The following PNKD variants were observed in gnomAD, a reference collection of about 807,000 sequenced individuals.
The protein encoded by PNKD is probable thioesterase PNKD.
A neutral mutation model predicts 45.3 loss-of-function variants in PNKD; 36 were observed. That is an observed-to-expected ratio of 0.80 (90% confidence interval 0.61 to 1.05). The LOEUF (loss-of-function observed/expected upper bound fraction) is 1.05, where lower values mean the gene tolerates loss of function less well. Among genes scored for constraint, PNKD ranks in the 50% least tolerant of loss-of-function variants. The pLI is 0.00. For synonymous variants in PNKD, 197 were observed against 210.1 expected (o/e 0.94, Z 0.54); for missense variants, 511 against 506.6 (o/e 1.01, Z -0.08).
At chr2:218,277,955 T>C in intron 2 of PNKD, 3 of 1,614,194 alleles carry the variant, frequency 1.9e-6, no homozygotes, top group Non-Finnish European at 2.5e-6. Flanking sequence ...AGCAGAATGA[T>C]GTTCCATGGG....
chr2:218,275,425 C>A, intron 2 of PNKD: 1 of 1,583,620 alleles, frequency 6.3e-7, no homozygotes, highest in Non-Finnish European at 8.6e-7. Context: ...GCCCAGCCCT[C>A]TAGCTTGGAA....
intron 2 of PNKD, among the ~76,000 whole-genome samples, chr2:218,310,977 G>A (rs577545668): frequency 5.3e-5 from 8 of 152,242 alleles, no homozygotes; most frequent in South Asian, 2.1e-4. Context: ...GTAACATGCC[G>A]TGCAGGTTTG....
At chr2:218,320,375 C>T (rs1188636589) in intron 2 of PNKD, among the ~76,000 whole-genome samples, 4 of 152,186 alleles carry the variant, frequency 2.6e-5, no homozygotes, top group Non-Finnish European at 5.9e-5. Context: ...TTTCTTTGTG[C>T]TGGGAACATT....
chr2:218,318,422 T>C (rs1053586329), intron 2 of PNKD, among the ~76,000 whole-genome samples: 1 of 152,166 alleles, frequency 6.6e-6, no homozygotes, highest in Non-Finnish European at 1.5e-5. Flanking sequence ...CCTCTGATAT[T>C]ATGAAGCGCC....
rs200743728 is a variant in PNKD at position 218,338,460 on chromosome 2, CA to C, written c.237-1307del. Among the ~76,000 whole-genome samples the C allele has an allele frequency of 2.9e-3, 291 of 100,706 alleles. 1 individual carries two copies. Among genetic ancestry groups the C allele is most frequent in the Middle Eastern group, 0.011 (2 of 176 alleles). 66.1% of individuals were successfully genotyped at this position (100,706 alleles called of 152,430 possible). A position where few individuals can be genotyped will look rare whatever the true frequency, so the allele number is the denominator to read the frequency against. ...TGGGCAACAGAGCGAGACTCTGTCT[CA>C]AAAAAAAAAAAAAAAGAATTTCAGG... is the stretch of plus-strand genomic sequence containing the variant. On this transcript the variant is annotated intron_variant, in intron 2 of 9. Coordinates refer to ENST00000273077, the MANE Select transcript of PNKD (RefSeq NM_015488.5).
chr2:218,340,267 C>A lies in PNKD; in HGVS notation c.465+126C>A. ...ATGTGTCCCATATGCTCCATGTTCA[C>A]ACGTGCACATGCGCACACATAGCCT... is the stretch of plus-strand genomic sequence containing the variant. On this transcript the variant is annotated intron_variant, in intron 4 of 9. Coordinates refer to ENST00000273077, the MANE Select transcript of PNKD (RefSeq NM_015488.5). This position sits in a 1 kb window ranked among gnomAD's most constrained non-coding sequence, Gnocchi z 4.2. The A allele has an allele frequency of 1.4e-6, 1 of 694,834 alleles. No homozygotes were observed. The highest frequency in any genetic ancestry group is 2.6e-6 in the Non-Finnish European group (1 of 383,112). 43.0% of individuals were successfully genotyped at this position (694,834 alleles called of 1,614,324 possible).
chr2:218,341,139 C>T (rs537861394), intron 5 of PNKD, among the ~76,000 whole-genome samples: 18 of 152,280 alleles, frequency 1.2e-4, no homozygotes, highest in African/African-American at 3.6e-4. Flanking sequence ...TATATAACAG[C>T]GGAGGCAAGA....
rs1468930970 is a variant in PNKD at position 218,326,048 on chromosome 2, C to T, written c.237-13735C>T. Among the ~76,000 whole-genome samples the T allele has an allele frequency of 6.7e-6, 1 of 150,174 alleles. No individual in the cohort carries two copies. Among genetic ancestry groups the T allele is most frequent in the Non-Finnish European group, 1.5e-5 (1 of 67,732 alleles). ...GCAGGTGTTGGTGCTAGGGGTGCCT[C>T]CAGGAAGGATGGGGAGGGAGGGGGA... On this transcript the variant is annotated intron_variant, in intron 2 of 9. Coordinates refer to ENST00000273077, the MANE Select transcript of PNKD (RefSeq NM_015488.5). This position sits in a 1 kb window ranked among gnomAD's most constrained non-coding sequence, Gnocchi z 4.1.
chr2:218,330,395 C>T (rs1415517091), intron 2 of PNKD, among the ~76,000 whole-genome samples: 1 of 152,202 alleles, frequency 6.6e-6, no homozygotes, highest in Non-Finnish European at 1.5e-5. Context: ...GGCAGTGGCT[C>T]ACTGTCCCCA....
rs573728693 is a variant in PNKD, at chr2:218,340,649, G to A, written c.466-79G>A. The A allele has an allele frequency of 1.0e-5, 10 of 992,882 alleles. No individual in the cohort carries two copies. Among genetic ancestry groups the A allele is most frequent in the Middle Eastern group, 2.0e-4 (1 of 4,922 alleles). The allele number at this position is 992,882 out of a possible 1,614,324, so 61.5% of individuals were successfully genotyped here. On this transcript the variant is annotated intron_variant, in intron 4 of 9. Transcript: ENST00000273077. The surrounding 1 kb of genome is among the most constrained non-coding windows in gnomAD (Gnocchi z 4.2). ...ATGCTCTCCTCTCCTCTCCACCAGC[G>A]CCCACACTCCTGGCTCTTGCTGCTT...
intron 2 of PNKD, among the ~76,000 whole-genome samples, chr2:218,302,922 T>A (rs1472416711): frequency 6.6e-6 from 1 of 151,562 alleles, no homozygotes; most frequent in Non-Finnish European, 1.5e-5. Flanking sequence ...GGCCTGGAGG[T>A]TTTTTTTCTG....
intron 2 of PNKD, chr2:218,292,604 A>C (rs1236796280): frequency 6.6e-6 from 1 of 151,662 alleles, no homozygotes; most frequent in African/African-American, 2.4e-5. Flanking sequence ...GGGCGCCGCC[A>C]GGGGGCGCAG....
At chr2:218,344,646 C>A in intron 9 of PNKD, 76 bp downstream of exon 9, 1 of 1,431,166 alleles carries the variant, frequency 7.0e-7, no homozygotes, top group Non-Finnish European at 9.8e-7. Flanking sequence ...ATGCTGACCC[C>A]AGGCCTGCGA....
intron 2 of PNKD, chr2:218,277,928 G>A (rs770539994): frequency 1.2e-6 from 2 of 1,614,140 alleles, no homozygotes; most frequent in Non-Finnish European, 1.7e-6. Flanking sequence ...CACCCTTCTA[G>A]ACTTACAAAA....
chr2:218,301,773 C>T (rs1255924032), intron 2 of PNKD, among the ~76,000 whole-genome samples: 2 of 151,854 alleles, frequency 1.3e-5, no homozygotes, highest in Non-Finnish European at 2.9e-5. Flanking sequence ...ACAGCCTGAG[C>T]TACCATCTGT....
intron 2 of PNKD, among the ~76,000 whole-genome samples, chr2:218,303,147 G>A (rs1693315372): frequency 6.6e-6 from 1 of 151,948 alleles, no homozygotes. Flanking sequence ...TCACCATGTT[G>A]GCCAGGATGG....
chr2:218,290,435 G>A (rs575680549), intron 2 of PNKD, among the ~76,000 whole-genome samples: 27 of 152,252 alleles, frequency 1.8e-4, no homozygotes, highest in African/African-American at 5.5e-4. Flanking sequence ...ACCTCTGTGC[G>A]TACACCCAGC....
chr2:218,341,490 C>T, intron 5 of PNKD, 44 bp from the exon 6 acceptor site: 4 of 1,277,874 alleles, frequency 3.1e-6, no homozygotes, highest in Non-Finnish European at 3.3e-6. Flanking sequence ...GGCTTAGGTA[C>T]AGTTGCCCCT....
chr2:218,273,015 C>A, intron 2 of PNKD: 1 of 1,101,334 alleles, frequency 9.1e-7, no homozygotes, highest in Non-Finnish European at 1.2e-6. Context: ...CTCATGTGTG[C>A]TCCCTCTCAC....
Sources: gnomAD v4.1 joint callset for allele counts (sites outside exome capture counted in the v4.1 genomes callset) on GRCh38, gnomAD v4.1.1 for gene constraint, Gnocchi (gnomAD v3.1) non-coding constraint, MANE v1.5 for transcripts, NCBI Gene and HGNC (gene_info 2026-07-23, HGNC 2026-07-21) for gene names.